The following ZNF652 variants were observed in gnomAD, a reference collection of about 807,000 sequenced individuals.
The protein encoded by ZNF652 is zinc finger protein 652.
A neutral mutation model predicts 45.2 loss-of-function variants in ZNF652; 16 were observed. That is an observed-to-expected ratio of 0.35 (90% CI 0.24 to 0.54). ZNF652 has a LOEUF of 0.54. Ranked by LOEUF, ZNF652 falls within the 20% of genes least tolerant of loss-of-function variation. The pLI is 0.91. For synonymous variants in ZNF652, 250 were observed against 260.6 expected (o/e 0.96, Z 0.39); for missense variants, 614 against 765.6 (o/e 0.80, Z 2.34).
intron 1 of ZNF652, among the ~76,000 whole-genome samples, chr17:49,318,562 A>G (rs1368361334): frequency 6.6e-6 from 1 of 152,218 alleles, no homozygotes; most frequent in Non-Finnish European, 1.5e-5. Flanking sequence ...TGTCTAGCAT[A>G]CAGTATATAT....
chr17:49,329,266 T>C (rs1051271993), intron 1 of ZNF652, among the ~76,000 whole-genome samples: 2 of 152,202 alleles, frequency 1.3e-5, no homozygotes, highest in African/African-American at 4.8e-5. Flanking sequence ...AGCTTTCAAA[T>C]GGGTAAAACC....
Position 49,311,263 on chromosome 17 carries a change from T to A in ZNF652, c.1309+49A>T, listed in dbSNP as rs1567918719. 3 of 1,568,738 alleles carry A rather than the reference T, an allele frequency of 1.9e-6. No individual in the cohort carries two copies. The South Asian group carries it at 3.5e-5, about 18-fold the overall frequency. On this transcript the variant is annotated intron_variant, in intron 5 of 5. Transcript: ENST00000430262. ...TAAAAAACAGACCCACAGATGATCA[T>A]CAACAAGTGCTTGAGACATTATCTG...
At chr17:49,318,914 T>C (rs2143807647) in intron 1 of ZNF652, among the ~76,000 whole-genome samples, 1 of 152,346 alleles carries the variant, frequency 6.6e-6, no homozygotes, top group Non-Finnish European at 1.5e-5. Flanking sequence ...TTCAGGTTTA[T>C]TGGAGTAATT....
rs2069395011 is a variant in ZNF652, at chr17:49,290,746, G to A, written c.*7667C>T. The stretch of plus-strand genomic sequence containing the variant: ...ACACCCACACATCAATCATTGCTTG[G>A]CATCATGAGGGATGAACGACGACTG... On this transcript the variant is annotated 3_prime_UTR_variant, in exon 6 of 6. Coordinates refer to ENST00000430262, the MANE Select transcript of ZNF652 (RefSeq NM_001145365.3). The A allele has an allele frequency of 6.6e-6, 1 of 152,152 alleles. No individual in the cohort carries two copies. Among genetic ancestry groups the A allele is most frequent in the South Asian group, 2.1e-4 (1 of 4,828 alleles). 9.4% of individuals were successfully genotyped at this position (152,152 alleles called of 1,614,324 possible).
chr17:49,293,304 A>C lies in ZNF652; in HGVS notation c.*5109T>G, dbSNP rs2069427638. Among the ~76,000 whole-genome samples the C allele has an allele frequency of 6.6e-6, 1 of 152,240 alleles. No individual in the cohort carries two copies. Among genetic ancestry groups the C allele is most frequent in the Non-Finnish European group, 1.5e-5 (1 of 68,044 alleles). ...TGGTATGTGATCTGGTTCTTTAAAC[A>C]AATTTACTGAAGCAAAAGCTTCAAA... On this transcript the variant is annotated 3_prime_UTR_variant, in exon 6 of 6. Coordinates refer to ENST00000430262, the MANE Select transcript of ZNF652 (RefSeq NM_001145365.3).
intron 1 of ZNF652, among the ~76,000 whole-genome samples, chr17:49,354,821 G>A (rs954716773): frequency 1.6e-4 from 24 of 151,916 alleles, no homozygotes; most frequent in Admixed American, 1.4e-3. Flanking sequence ...CACCTCCCAG[G>A]TTCAAGCGAT....
At chr17:49,354,749 T>C (rs1266840917) in intron 1 of ZNF652, among the ~76,000 whole-genome samples, 2 of 152,082 alleles carry the variant, frequency 1.3e-5, no homozygotes, top group Non-Finnish European at 2.9e-5. Context: ...TTTTTTGAGA[T>C]GGAGTCTCAA....
intron 1 of ZNF652, among the ~76,000 whole-genome samples, chr17:49,336,510 T>C (rs2070083539): frequency 6.8e-6 from 1 of 147,856 alleles, no homozygotes; most frequent in Admixed American, 6.8e-5. Context: ...TTGTATTTTA[T>C]TAGAGACAGG....
rs10609861 is a variant in ZNF652, at chr17:49,293,655, TAAAAAAAAAAAAAAAA to T, written c.*4742_*4757del. ...CTAATGGCTTATGACCTTTCATTCC[TAAAAAAAAAAAAAAAA>T]AAAAAAAAAAAAAACTCTTAAGTAA... On this transcript the variant is annotated 3_prime_UTR_variant, in exon 6 of 6. Transcript: ENST00000430262. Among the ~76,000 whole-genome samples, 3 of 78,316 alleles carry T rather than the reference TAAAAAAAAAAAAAAAA, an allele frequency of 3.8e-5. No homozygotes were observed. The highest frequency in any genetic ancestry group is 8.3e-5 in the African/African-American group (2 of 23,976). The allele number at this position is 78,316 out of a possible 152,430, so 51.4% of individuals were successfully genotyped here.
At chr17:49,340,691 G>A (rs1321647369) in intron 1 of ZNF652, among the ~76,000 whole-genome samples, 1 of 152,024 alleles carries the variant, frequency 6.6e-6, no homozygotes, top group Non-Finnish European at 1.5e-5. Context: ...TGAGGCAGGC[G>A]GATAGGTTGA....
At position 49,295,937 on chromosome 17, in the gene ZNF652, C is replaced by CAAAAAAAAAAAAAAAAAAAAA. The variant is rs147522359; in HGVS notation, c.*2455_*2475dup. ...CAGGCAACAGAACAAGACTCTGCCT[C>CAAAAAAAAAAAAAAAAAAAAA]AAAAAAAAAAAAAAAAAAAAAAAAA... On this transcript the variant is annotated 3_prime_UTR_variant, in exon 6 of 6. Transcript: ENST00000430262. The CAAAAAAAAAAAAAAAAAAAAA allele has an allele frequency of 9.0e-4, 46 of 51,254 alleles. No individual in the cohort carries two copies. The highest frequency in any genetic ancestry group is 1.5e-3 in the Non-Finnish European group (40 of 27,550). 3.2% of individuals were successfully genotyped at this position (51,254 alleles called of 1,614,324 possible).
intron 5 of ZNF652, among the ~76,000 whole-genome samples, chr17:49,300,517 C>A (rs2143705673): frequency 6.6e-6 from 1 of 152,292 alleles, no homozygotes; most frequent in Non-Finnish European, 1.5e-5. Flanking sequence ...CTTCTCTACC[C>A]AGGCTATAGA....
At position 49,291,739 on chromosome 17, in the gene ZNF652, T is replaced by C. The variant is rs1415519687; in HGVS notation, c.*6674A>G. The C allele has an allele frequency of 6.6e-6, 1 of 152,182 alleles. No homozygotes were observed. The allele number at this position is 152,182 out of a possible 1,614,324, so 9.4% of individuals were successfully genotyped here. A position where few individuals can be genotyped will look rare whatever the true frequency, so the allele number is the denominator to read the frequency against. ...AATTTTAAAGTAGATACTAAGTTAC[T>C]AGTTACTATCCAAGAGGCAAACTTC... On this transcript the variant is annotated 3_prime_UTR_variant, in exon 6 of 6. Coordinates refer to ENST00000430262, the MANE Select transcript of ZNF652 (RefSeq NM_001145365.3).
intron 1 of ZNF652, among the ~76,000 whole-genome samples, chr17:49,345,637 C>T (rs951322793): frequency 2.0e-5 from 3 of 150,240 alleles, no homozygotes; most frequent in Admixed American, 6.6e-5. Flanking sequence ...GTCAGGAGAT[C>T]GAGACCATCC....
chr17:49,360,972 A>C (rs1244269538), intron 1 of ZNF652, among the ~76,000 whole-genome samples: 1 of 152,200 alleles, frequency 6.6e-6, no homozygotes. Context: ...TCTGGGGGCA[A>C]AGGCAGACTC....
chr17:49,295,041 C>T lies in ZNF652; in HGVS notation c.*3372G>A, dbSNP rs2069453183. The T allele has an allele frequency of 6.6e-6, 1 of 151,958 alleles. No individual in the cohort carries two copies. Among genetic ancestry groups the T allele is most frequent in the African/African-American group, 2.4e-5 (1 of 41,374 alleles). 9.4% of individuals were successfully genotyped at this position (151,958 alleles called of 1,614,324 possible). A position where few individuals can be genotyped will look rare whatever the true frequency, so the allele number is the denominator to read the frequency against. The stretch of plus-strand genomic sequence containing the variant: ...AGTCTTAAGCATGTTAAACGTGTTG[C>T]ACATATATGTTTAAGGCTTAATCCT... On this transcript the variant is annotated 3_prime_UTR_variant, in exon 6 of 6. Coordinates refer to ENST00000430262, the MANE Select transcript of ZNF652 (RefSeq NM_001145365.3).
intron 1 of ZNF652, chr17:49,361,095 G>A (rs2070387477): frequency 6.6e-6 from 1 of 152,306 alleles, no homozygotes; most frequent in African/African-American, 2.4e-5. Flanking sequence ...GGTGACAGGG[G>A]CTGCTCGGCA....
intron 1 of ZNF652, among the ~76,000 whole-genome samples, chr17:49,351,023 A>ATATATATATATG (rs1567700340): frequency 1.2e-5 from 1 of 81,820 alleles, no homozygotes; most frequent in East Asian, 3.3e-4. Flanking sequence ...ATACACACAC[A>ATATATATATATG]CACACACACA....
At chr17:49,355,678 T>C (rs1197332229) in intron 1 of ZNF652, among the ~76,000 whole-genome samples, 1 of 152,016 alleles carries the variant, frequency 6.6e-6, no homozygotes, top group African/African-American at 2.4e-5. Context: ...GGCGGGCAGA[T>C]CACGAGGTCA....
Sources: allele counts gnomAD v4.1 joint callset (sites outside exome capture counted in the v4.1 genomes callset), GRCh38; gene constraint gnomAD v4.1.1; transcripts MANE v1.5; gene names NCBI Gene and HGNC (gene_info 2026-07-23, HGNC 2026-07-21).